The following AKR7A2 variants were observed in gnomAD, a reference collection of about 807,000 sequenced individuals.
AKR7A2 encodes the protein aflatoxin B1 aldehyde reductase member 2.
AKR7A2 carries 29 observed loss-of-function variants against 37.3 expected under a neutral mutation model. The ratio of observed to expected loss-of-function variants is 0.78; its 90% CI spans 0.58 to 1.06. The LOEUF (loss-of-function observed/expected upper bound fraction) is 1.06. Ranked by LOEUF, AKR7A2 falls within the 50% of genes least tolerant of loss-of-function variation. The pLI is 0.00. For missense variants in AKR7A2, 529 were observed against 497.9 expected (o/e 1.06, Z -0.59); for synonymous variants, 228 against 217.8 (o/e 1.05, Z -0.41).
rs2151991599 is a variant in AKR7A2 at position 19,311,760 on chromosome 1, G to C, written c.298+67C>G. ...CTGCCCGCGGCCGGGCCCGAGCGGG[G>C]TGGTGCACGGCTGGGGACAGGCTCA... On this transcript the variant is annotated intron_variant, in intron 1 of 6. Coordinates refer to ENST00000235835, the MANE Select transcript of AKR7A2 (RefSeq NM_003689.4). The C allele has an allele frequency of 3.8e-6, 6 of 1,594,890 alleles. No individual in the cohort carries two copies. The South Asian group carries it at 6.7e-5, about 18-fold the overall frequency.
intron 1 of AKR7A2, among the ~76,000 whole-genome samples, chr1:19,309,015 G>A (rs1057093802): frequency 1.3e-5 from 2 of 152,188 alleles, no homozygotes; most frequent in African/African-American, 4.8e-5. Flanking sequence ...GAGCCCAGAT[G>A]AGATGCATGA....
In AKR7A2 at chr1:19,306,130, T is replaced by A; in HGVS notation, c.806A>T (p.His269Leu). 6.2e-7 allele frequency: 1 copy of A among 1,614,192 alleles called. No individual in the cohort carries two copies. The highest frequency in any genetic ancestry group is 8.5e-7 in the Non-Finnish European group (1 of 1,180,020). Residue 269 changes from histidine (H) to leucine (L), a missense_variant, in exon 6 of 7, where the codon CAC becomes CTC. Coordinates refer to ENST00000235835, the MANE Select transcript of AKR7A2 (RefSeq NM_003689.4). Reference protein sequence around the residue: ...TYRNRFWKEHHFEAIALVEKA... With the variant: ...TYRNRFWKEHLFEAIALVEKA... ...CTCCACCAACGCAATGGCCTCGAAG[T>A]GGTGCTCCTTCCAGAAGCTGTGCAG...
At position 19,308,638 on chromosome 1, in the gene AKR7A2, T is replaced by C; in HGVS notation, c.303A>G (p.Lys101=). 1 of 1,614,070 alleles carries C rather than the reference T, an allele frequency of 6.2e-7. No homozygotes were observed. Among genetic ancestry groups the C allele is most frequent in the Non-Finnish European group, 8.5e-7 (1 of 1,179,984 alleles). The change falls in exon 2 of 7, where the codon AAA becomes AAG. Residue 101 remains lysine (K), a synonymous_variant. Transcript: ENST00000235835. ...LGLGGGDCRV[K]IATKANPWDG... ...CCCAAGGGTTGGCCTTGGTGGCAATTTTCACTTGGAGAGAGAATGGAATGG... is the reference window on the plus strand; with the variant it reads ...CCCAAGGGTTGGCCTTGGTGGCAATCTTCACTTGGAGAGAGAATGGAATGG...
At chr1:19,304,430 G>A (rs750939271) in intron 6 of AKR7A2, 44 bp from the exon 7 acceptor site, 16 of 1,613,660 alleles carry the variant, frequency 9.9e-6, no homozygotes, top group African/African-American at 1.3e-5. Flanking sequence ...CTGCTGCACA[G>A]CGACTCCACT....
intron 2 of AKR7A2, 60 bp from the exon 3 acceptor site, chr1:19,308,322 G>T (rs2093765755): frequency 6.2e-7 from 1 of 1,610,906 alleles, no homozygotes; most frequent in Admixed American, 1.7e-5. Flanking sequence ...GGGGAGGCCA[G>T]GGTGGGGCCC....
intron 6 of AKR7A2, 91 bp from the exon 7 acceptor site, chr1:19,304,477 G>A: frequency 1.2e-6 from 2 of 1,606,190 alleles, no homozygotes; most frequent in South Asian, 1.1e-5. Flanking sequence ...TGAGATCTGG[G>A]GTCTCTGTTT....
At chr1:19,308,348 T>C (rs1419682336) in intron 2 of AKR7A2, 86 bp from the exon 3 acceptor site, 9 of 1,594,586 alleles carry the variant, frequency 5.6e-6, no homozygotes, top group Non-Finnish European at 7.7e-6. Context: ...AATGGGGCTA[T>C]TCCCTGCCCC....
chr1:19,312,102 A>G lies in AKR7A2; in HGVS notation c.23T>C (p.Val8Ala). 5 of 1,328,280 alleles carry G rather than the reference A, an allele frequency of 3.8e-6. No individual in the cohort carries two copies. Among genetic ancestry groups the G allele is most frequent in the Non-Finnish European group, 4.8e-6 (5 of 1,048,938 alleles). 82.3% of individuals were successfully genotyped at this position (1,328,280 alleles called of 1,614,324 possible). A position where few individuals can be genotyped will look rare whatever the true frequency, so the allele number is the denominator to read the frequency against. The change falls in exon 1 of 7, where the codon GTA becomes GCA. Residue 8 changes from valine (V) to alanine (A), a missense_variant. Transcript: ENST00000235835. MLSAASRVVSRAAVHCAL... is the reference protein window; with the variant it reads MLSAASRAVSRAAVHCAL... ...GCAGTGGACGGCGGCGCGGGAGACT[A>G]CGCGAGACGCGGCACTCAGCATAGC...
Position 19,311,916 on chromosome 1 carries a change from T to C in AKR7A2, c.209A>G (p.Glu70Gly). 6.2e-7 allele frequency: 1 copy of C among 1,609,894 alleles called. No individual in the cohort carries two copies. Among genetic ancestry groups the C allele is most frequent in the Non-Finnish European group, 8.5e-7 (1 of 1,179,104 alleles). Residue 70 changes from glutamate (E) to glycine (G), a missense_variant, in exon 1 of 7, where the codon GAA (glutamate) becomes GGA (glycine). Coordinates refer to ENST00000235835, the MANE Select transcript of AKR7A2 (RefSeq NM_003689.4). ...VRAFLERGHT[E>G]LDTAFMYSDG... ...GCTGTACATGAAGGCCGTGTCCAGTTCGGTGTGGCCGCGCTCCAGAAAGGC... is the reference window on the plus strand; with the variant it reads ...GCTGTACATGAAGGCCGTGTCCAGTCCGGTGTGGCCGCGCTCCAGAAAGGC...
At position 19,311,860 on chromosome 1, in the gene AKR7A2, G is replaced by C; in HGVS notation, c.265C>G (p.Leu89Val). 6.2e-7 allele frequency: 1 copy of C among 1,610,684 alleles called. No homozygotes were observed. Among genetic ancestry groups the C allele is most frequent in the Non-Finnish European group, 8.5e-7 (1 of 1,179,576 alleles). Residue 89 changes from leucine (L) to valine (V), a missense_variant, in exon 1 of 7, where the codon CTG (leucine) becomes GTG (valine). Physicochemically the swap from Leu to Val is conservative, Grantham distance 32 (BLOSUM62 1). Coordinates refer to ENST00000235835, the MANE Select transcript of AKR7A2 (RefSeq NM_003689.4). ...TCGCCACCGCCCAGCCCGAGCCCCA[G>C]GCCGCCCAGGATGGTCTCGGACTGG... ...DGQSETILGGLGLGLGGGDCR... is the reference protein window; with the variant it reads ...DGQSETILGGVGLGLGGGDCR...
In AKR7A2 at chr1:19,304,400, G is replaced by A. The variant is rs764419732; in HGVS notation, c.919-14C>T. The A allele has an allele frequency of 8.1e-6, 13 of 1,613,452 alleles. No individual in the cohort carries two copies. In the South Asian group the frequency reaches 8.8e-5, roughly 11 times the overall value. On this transcript the variant is annotated splice_polypyrimidine_tract_variant and intron_variant, in intron 6 of 6. Coordinates refer to ENST00000235835, the MANE Select transcript of AKR7A2 (RefSeq NM_003689.4). ...CCCGTGGGCACCCTGCAAGGGAGAC[G>A]GCCAGACTTCAACCCTCTTCTGCTG...
chr1:19,303,690 T>G (rs554001425), downstream of AKR7A2, among the ~76,000 whole-genome samples: 1 of 152,220 alleles, frequency 6.6e-6, no homozygotes, highest in Non-Finnish European at 1.5e-5. Context: ...AGTTGTTTCA[T>G]TCCTAAGAAT....
intron 5 of AKR7A2, 94 bp downstream of exon 5, chr1:19,306,908 A>C: frequency 8.9e-7 from 1 of 1,122,556 alleles, no homozygotes; most frequent in African/African-American, 1.5e-5. Context: ...GCAAACAGCA[A>C]AGGAAGGTCT....
chr1:19,308,953 GGAT>G (rs1323179738), intron 1 of AKR7A2, among the ~76,000 whole-genome samples: 2 of 152,196 alleles, frequency 1.3e-5, no homozygotes, highest in East Asian at 3.8e-4. Flanking sequence ...GAGCCCTAGA[GGAT>G]GATGGTACAA....
At chr1:19,305,333 C>T (rs2093759803) in intron 6 of AKR7A2, among the ~76,000 whole-genome samples, 1 of 152,124 alleles carries the variant, frequency 6.6e-6, no homozygotes, top group Admixed American at 6.6e-5. Context: ...CTGTTATTTT[C>T]ATTGTTGTTT....
At chr1:19,304,914 G>A (rs2093758454) in intron 6 of AKR7A2, among the ~76,000 whole-genome samples, 1 of 152,138 alleles carries the variant, frequency 6.6e-6, no homozygotes, top group Non-Finnish European at 1.5e-5. Flanking sequence ...TCTACCGCCT[G>A]GGTAACAGAG....
chr1:19,304,049 C>T lies in AKR7A2; in HGVS notation c.*176G>A. ...AGGAAGCGCTCAAGTGGGACTCACC[C>T]CCCACCTTTCACAGTGTAAAGTGAA... On this transcript the variant is annotated 3_prime_UTR_variant, in exon 7 of 7. Transcript: ENST00000235835. The T allele has an allele frequency of 9.3e-7, 1 of 1,073,454 alleles. No individual in the cohort carries two copies. Among genetic ancestry groups the T allele is most frequent in the Non-Finnish European group, 1.4e-6 (1 of 721,968 alleles). The allele number at this position is 1,073,454 out of a possible 1,614,324, so 66.5% of individuals were successfully genotyped here. A position where few individuals can be genotyped will look rare whatever the true frequency, so the allele number is the denominator to read the frequency against.
At chr1:19,304,530 G>T in intron 6 of AKR7A2, 144 bp from the exon 7 acceptor site, 1 of 1,423,290 alleles carries the variant, frequency 7.0e-7, no homozygotes, top group Non-Finnish European at 9.8e-7. Flanking sequence ...AAGGTGCCTT[G>T]GATAGCTGTA....
In AKR7A2 at chr1:19,304,009, C is replaced by T; in HGVS notation, c.*216G>A. 1.4e-6 allele frequency: 1 copy of T among 740,482 alleles called. No individual in the cohort carries two copies. The highest frequency in any genetic ancestry group is 2.2e-6 in the Non-Finnish European group (1 of 446,456). The allele number at this position is 740,482 out of a possible 1,614,324, so 45.9% of individuals were successfully genotyped here. A position where few individuals can be genotyped will look rare whatever the true frequency, so the allele number is the denominator to read the frequency against. ...ACCTAGGCTACAGCCAGGTCAAGTG[C>T]CTGCTTTATTCAACAGGAAGCGCTC... On this transcript the variant is annotated 3_prime_UTR_variant, in exon 7 of 7. Coordinates refer to ENST00000235835, the MANE Select transcript of AKR7A2 (RefSeq NM_003689.4).
Sources: gnomAD v4.1 joint callset for allele counts (sites outside exome capture counted in the v4.1 genomes callset) on GRCh38, gnomAD v4.1.1 for gene constraint, MANE v1.5 for transcripts, NCBI Gene and HGNC (gene_info 2026-07-23, HGNC 2026-07-21) for gene names.